Variants in MUC3A observed in about 807,000 individuals in gnomAD.
The protein encoded by MUC3A is mucin-3A.
A neutral mutation model predicts 109.0 loss-of-function variants in MUC3A; 109 were observed. That is an observed-to-expected ratio of 1.00 (90% CI 0.86 to 1.17). The LOEUF (loss-of-function observed/expected upper bound fraction) is 1.17. Ranked by LOEUF, MUC3A falls within the 50% of genes most tolerant of loss-of-function variation. The pLI, the probability that MUC3A is intolerant of heterozygous loss-of-function variation, is 0.00. For synonymous variants in MUC3A, 1,398 were observed against 981.4 expected (o/e 1.42, Z -7.93); for missense variants, 3,537 against 2,469.4 (o/e 1.43, Z -9.16).
intron 3 of MUC3A, among the ~76,000 whole-genome samples, chr7:100,961,153 A>G (rs1005697836): frequency 6.6e-6 from 1 of 152,306 alleles, no homozygotes; most frequent in Non-Finnish European, 1.5e-5. Context: ...TCCTGGGCCC[A>G]TCTCCTGACT....
Position 100,960,349 on chromosome 7 carries a change from C to G in MUC3A, c.8570C>G (p.Thr2857Arg), listed in dbSNP as rs975071287. The G allele has an allele frequency of 1.3e-6, 2 of 1,598,550 alleles. No homozygotes were observed. Among genetic ancestry groups the G allele is most frequent in the Non-Finnish European group, 1.7e-6 (2 of 1,179,826 alleles). ...TCCACTGGCACTGGGACTGTACCCA[C>G]AAACACAGTTTTCACAAGTACTCGA... ...SSSTGTGTVP[T>R]NTVFTSTRLP... is the part of the protein sequence containing the mutation. The change falls in exon 2 of 12, where the codon ACA (threonine) becomes AGA (arginine). Residue 2857 changes from threonine to arginine, a missense_variant. Physicochemically the swap from Thr to Arg is moderately conservative, Grantham distance 71. Coordinates refer to ENST00000379458, the MANE Select transcript of MUC3A (RefSeq NM_005960.2).
In MUC3A at chr7:100,956,075, C is replaced by T. The variant is rs952924729; in HGVS notation, c.4296C>T (p.Thr1432=). 4 of 439,134 alleles carry T rather than the reference C, an allele frequency of 9.1e-6. No homozygotes were observed. Among genetic ancestry groups the T allele is most frequent in the Admixed American group, 4.1e-5 (1 of 24,304 alleles). The allele number at this position is 439,134 out of a possible 1,614,324, so 27.2% of individuals were successfully genotyped here. The change falls in exon 2 of 12, where the codon ACC becomes ACT. Residue 1432 remains threonine, a synonymous_variant. Transcript: ENST00000379458. ...CACCTGTCCCAAGCACAGAGGTGAC[C>T]ACCAGTCATACCACAAACACCAATC... ...SSTPVPSTEV[T]TSHTTNTNPV... is the part of the protein sequence containing the mutation.
chr7:100,964,469 C>G, intron 5 of MUC3A: 1 of 673,190 alleles, frequency 1.5e-6, no homozygotes, highest in Non-Finnish European at 2.3e-6. Context: ...ATAAAACACA[C>G]AGAGAGAGGA....
chr7:100,965,197 G>A (rs1015046368), intron 6 of MUC3A, 85 bp from the exon 7 acceptor site: 10 of 1,556,226 alleles, frequency 6.4e-6, no homozygotes, highest in East Asian at 2.3e-5. Flanking sequence ...CCCTCCCTGT[G>A]CCTATCCTGC....
At position 100,959,573 on chromosome 7, in the gene MUC3A, T is replaced by C; in HGVS notation, c.7794T>C (p.Thr2598=). 1 of 1,595,288 alleles carries C rather than the reference T, an allele frequency of 6.3e-7. No homozygotes were observed. Among genetic ancestry groups the C allele is most frequent in the South Asian group, 1.1e-5 (1 of 90,426 alleles). The change falls in exon 2 of 12, where the codon ACT becomes ACC. Residue 2598 remains threonine, a synonymous_variant. Coordinates refer to ENST00000379458, the MANE Select transcript of MUC3A (RefSeq NM_005960.2). The stretch of plus-strand genomic sequence containing the variant: ...CCCAAACATCTCCTGCACCTACTAC[T>C]GTCACCTTTGGAAGTACGGATTCCT... ...TGTQTSPAPT[T]VTFGSTDSST... is the part of the protein sequence containing the mutation.
Position 100,959,920 on chromosome 7 carries a change from C to A in MUC3A, c.8141C>A (p.Pro2714Gln). The A allele has an allele frequency of 6.6e-7, 1 of 1,515,026 alleles. No individual in the cohort carries two copies. The highest frequency in any genetic ancestry group is 8.8e-7 in the Non-Finnish European group (1 of 1,142,362). The allele number at this position is 1,515,026 out of a possible 1,614,324, so 93.8% of individuals were successfully genotyped here. Residue 2714 changes from proline to glutamine, a missense_variant, in exon 2 of 12, where the codon CCA becomes CAA. Pro to Gln is a moderately conservative substitution (Grantham distance 76, BLOSUM62 -1). Coordinates refer to ENST00000379458, the MANE Select transcript of MUC3A (RefSeq NM_005960.2). ...STTIHSVPSS[P>Q]YIFSTENVGS... The stretch of plus-strand genomic sequence containing the variant: ...ACCATTCATTCTGTTCCTTCTTCAC[C>A]ATACATTTTCAGTACAGAAAATGTG...
In MUC3A at chr7:100,967,286, A is replaced by G; in HGVS notation, c.*124A>G. 2.8e-6 allele frequency: 4 copies of G among 1,448,082 alleles called. No individual in the cohort carries two copies. Among genetic ancestry groups the G allele is most frequent in the Non-Finnish European group, 3.7e-6 (4 of 1,069,512 alleles). The allele number at this position is 1,448,082 out of a possible 1,614,324, so 89.7% of individuals were successfully genotyped here. A position where few individuals can be genotyped will look rare whatever the true frequency, so the allele number is the denominator to read the frequency against. ...CAGGCTCCTGCTGTTCTTGGGCAAG[A>G]TGAGACTGTTCCCCCAAATCCCATC... On this transcript the variant is annotated 3_prime_UTR_variant, in exon 12 of 12. Transcript: ENST00000379458.
chr7:100,964,886 C>T (rs1792470262), intron 6 of MUC3A, 43 bp downstream of exon 6: 25 of 1,561,056 alleles, frequency 1.6e-5, no homozygotes, highest in African/African-American at 2.7e-5. Context: ...TGAGGTGTCA[C>T]CCCAGCCCAC....
chr7:100,966,666 A>G lies in MUC3A; in HGVS notation c.9800A>G (p.Asp3267Gly), dbSNP rs763230703. Residue 3267 changes from aspartate to glycine, a missense_variant, in exon 10 of 12, where the codon GAC (aspartate) becomes GGC (glycine). Coordinates refer to ENST00000379458, the MANE Select transcript of MUC3A (RefSeq NM_005960.2). ...GCCCCACCTAGGTCCTGGGACCAGG[A>G]CAGGAAATGGTTCGAGACCTGGGAT... is the stretch of plus-strand genomic sequence containing the variant. ...GQRRGRSWDQ[D>G]RKWFETWDEE... is the part of the protein sequence containing the mutation. 7 of 1,598,548 alleles carry G rather than the reference A, an allele frequency of 4.4e-6. No homozygotes were observed. In the South Asian group the frequency reaches 7.7e-5, roughly 18 times the overall value.
At chr7:100,965,445 T>TG in intron 7 of MUC3A, 98 bp downstream of exon 7, 1 of 1,532,940 alleles carries the variant, frequency 6.5e-7, no homozygotes, top group African/African-American at 1.4e-5. Context: ...GAGAGACCTT[T>TG]GGGGGAGGCA....
intron 1 of MUC3A, among the ~76,000 whole-genome samples, chr7:100,951,148 C>G (rs569548825): frequency 7.8e-6 from 1 of 127,438 alleles, no homozygotes; most frequent in Non-Finnish European, 1.7e-5. Context: ...CACGCCACTA[C>G]GCCTGGCTAA....
chr7:100,950,387 T>C (rs944025405), intron 1 of MUC3A, among the ~76,000 whole-genome samples: 1 of 152,296 alleles, frequency 6.6e-6, no homozygotes, highest in Non-Finnish European at 1.5e-5. Flanking sequence ...ACTTCTCTTT[T>C]CTCTGTACTT....
chr7:100,950,090 T>G (rs75356506), intron 1 of MUC3A, among the ~76,000 whole-genome samples: 6,900 of 145,552 alleles, frequency 0.047, no homozygotes, highest in Admixed American at 0.13. Flanking sequence ...AGTGTCCCCT[T>G]CACACTGGCC....
rs1179976987 is a variant in MUC3A, at chr7:100,958,973, C to T, written c.7194C>T (p.Thr2398=). ...CTGGCCTCACTTCGTGGGTCACCAC[C>T]ACCAAGACCACCTCACACATTACTC... is the stretch of plus-strand genomic sequence containing the variant. ...STPGLTSWVT[T]TKTTSHITPG... is the part of the protein sequence containing the mutation. The change falls in exon 2 of 12, where the codon ACC becomes ACT. Residue 2398 remains threonine (T), a synonymous_variant. Coordinates refer to ENST00000379458, the MANE Select transcript of MUC3A (RefSeq NM_005960.2). 2.1e-6 allele frequency: 3 copies of T among 1,409,258 alleles called. No individual in the cohort carries two copies. The highest frequency in any genetic ancestry group is 2.3e-5 in the Admixed American group (1 of 43,970). 87.3% of individuals were successfully genotyped at this position (1,409,258 alleles called of 1,614,324 possible). A position where few individuals can be genotyped will look rare whatever the true frequency, so the allele number is the denominator to read the frequency against.
chr7:100,961,091 G>C, intron 3 of MUC3A, 154 bp downstream of exon 3: 1 of 983,386 alleles, frequency 1.0e-6, no homozygotes, highest in Non-Finnish European at 1.2e-6. Context: ...GCTGCCCTGT[G>C]TCATGCTCCT....
At position 100,957,255 on chromosome 7, in the gene MUC3A, T is replaced by A; in HGVS notation, c.5476T>A (p.Phe1826Ile). 2.0e-6 allele frequency: 1 copy of A among 499,206 alleles called. No individual in the cohort carries two copies. The highest frequency in any genetic ancestry group is 3.5e-6 in the Non-Finnish European group (1 of 286,484). The allele number at this position is 499,206 out of a possible 1,614,324, so 30.9% of individuals were successfully genotyped here. The change falls in exon 2 of 12, where the codon TTC becomes ATC. Residue 1826 changes from phenylalanine to isoleucine, a missense_variant. Physicochemically the swap from Phe to Ile is conservative, Grantham distance 21. Coordinates refer to ENST00000379458, the MANE Select transcript of MUC3A (RefSeq NM_005960.2). Reference protein sequence around the residue: ...TTPLSTLVTTFSNSDTSSTPT... With the variant: ...TTPLSTLVTTISNSDTSSTPT... The stretch of plus-strand genomic sequence containing the variant: ...CCCTCTATCTACATTGGTGACCACA[T>A]TCTCCAATTCCGACACCAGTTCTAC...
chr7:100,959,026 C>G lies in MUC3A; in HGVS notation c.7247C>G (p.Thr2416Ser). The change falls in exon 2 of 12, where the codon ACT becomes AGT. Residue 2416 changes from threonine to serine, a missense_variant. Thr to Ser is a moderately conservative substitution (Grantham distance 58). Coordinates refer to ENST00000379458, the MANE Select transcript of MUC3A (RefSeq NM_005960.2). The part of the protein sequence containing the change: ...TPGLTSSITT[T>S]ETTSHSTPGF... ...GGCCTCACTTCTTCAATCACCACCACTGAGACTACCTCACACAGTACTCCT... is the reference window on the plus strand; with the variant it reads ...GGCCTCACTTCTTCAATCACCACCAGTGAGACTACCTCACACAGTACTCCT... The G allele has an allele frequency of 6.3e-7, 1 of 1,589,234 alleles. No individual in the cohort carries two copies. The highest frequency in any genetic ancestry group is 8.5e-7 in the Non-Finnish European group (1 of 1,174,342).
rs371410398 is a variant in MUC3A at position 100,958,974 on chromosome 7, A to G, written c.7195A>G (p.Thr2399Ala). 1.3e-3 allele frequency: 1,995 copies of G among 1,539,000 alleles called. 21 individuals carry two copies. The African/African-American group carries it at 0.027, about 21-fold the overall frequency. ...TPGLTSWVTT[T>A]KTTSHITPGL... ...TGGCCTCACTTCGTGGGTCACCACC[A>G]CCAAGACCACCTCACACATTACTCC... Residue 2399 changes from threonine (T) to alanine (A), a missense_variant, in exon 2 of 12, where the codon ACC (threonine) becomes GCC (alanine). Transcript: ENST00000379458.
intron 3 of MUC3A, among the ~76,000 whole-genome samples, chr7:100,962,100 C>T (rs1282041878): frequency 2.9e-5 from 3 of 102,826 alleles, no homozygotes; most frequent in East Asian, 6.2e-4. Context: ...GGCGTAGTGG[C>T]GGGCGCCTGT....
Sources: gnomAD v4.1 joint callset for allele counts (sites outside exome capture counted in the v4.1 genomes callset) on GRCh38, gnomAD v4.1.1 for gene constraint, MANE v1.5 for transcripts, NCBI Gene and HGNC (gene_info 2026-07-23, HGNC 2026-07-21) for gene names.